Variants in PCDHGA1 observed in about 807,000 individuals in gnomAD.
PCDHGA1 encodes the protein protocadherin gamma-A1.
PCDHGA1 carries 32 observed loss-of-function variants against 58.0 expected under a neutral mutation model. The ratio of observed to expected loss-of-function variants is 0.55; its 90% CI spans 0.42 to 0.74. PCDHGA1 has a LOEUF of 0.74. PCDHGA1 is among the 30% of genes least tolerant of loss of function. PCDHGA1 has a pLI of 0.00. For synonymous variants in PCDHGA1, 498 were observed against 501.1 expected, an observed-to-expected ratio of 0.99 and a Z score of 0.08; for missense variants, 1,205 against 1,182.3, an observed-to-expected ratio of 1.02 and a Z score of -0.28.
chr5:141,417,141 C>T (rs1455831459), intron 1 of PCDHGA1: 1 of 152,018 alleles, frequency 6.6e-6, no homozygotes, highest in Non-Finnish European at 1.5e-5. Context: ...ATGACTAGGG[C>T]AATGGTTGCA....
intron 1 of PCDHGA1, chr5:141,408,368 C>T: frequency 3.1e-6 from 5 of 1,613,992 alleles, no homozygotes; most frequent in Non-Finnish European, 4.2e-6. Context: ...GGATCTAGGG[C>T]TCAGTGTCCT....
At chr5:141,441,862 G>A (rs2098280399) in intron 1 of PCDHGA1, 3 of 342,456 alleles carry the variant, frequency 8.8e-6, no homozygotes, top group Non-Finnish European at 1.1e-5. Context: ...GCTGCACGCC[G>A]CGGAGCCTGG....
rs776737236 is a variant in PCDHGA1, at chr5:141,431,439, G to T, written c.2422-63368G>T. 20 of 1,613,724 alleles carry T rather than the reference G, an allele frequency of 1.2e-5. No individual in the cohort carries two copies. The highest frequency in any genetic ancestry group is 4.5e-5 in the East Asian group (2 of 44,888). Reference sequence around the variant, plus strand: ...GACCCGGTGCGCACAGGCACCGCGCGCATCCGCGTGATGGTTCTGGATGCG... The same window carrying T: ...GACCCGGTGCGCACAGGCACCGCGCTCATCCGCGTGATGGTTCTGGATGCG... On this transcript the variant is annotated intron_variant, in intron 1 of 3. Coordinates refer to ENST00000517417, the MANE Select transcript of PCDHGA1 (RefSeq NM_018912.3). This position sits in a 1 kb window ranked among gnomAD's most constrained non-coding sequence, Gnocchi z 4.8.
Position 141,332,694 on chromosome 5 carries a change from C to T in PCDHGA1, c.2010C>T (p.Asp670=), listed in dbSNP as rs1420389841. ...LTVAVADRIS[D]ILADLGSLEP... ...TGGCCGTGGCCGACAGGATCTCCGACATCCTGGCCGACCTGGGCAGCCTCG... is the reference window on the plus strand; with the variant it reads ...TGGCCGTGGCCGACAGGATCTCCGATATCCTGGCCGACCTGGGCAGCCTCG... Residue 670 remains aspartate (D), a synonymous_variant, in exon 1 of 4, where the codon GAC becomes GAT. Coordinates refer to ENST00000517417, the MANE Select transcript of PCDHGA1 (RefSeq NM_018912.3). This position sits in a 1 kb window ranked among gnomAD's most constrained non-coding sequence, Gnocchi z 4.6. 5.0e-6 allele frequency: 8 copies of T among 1,613,896 alleles called. No individual in the cohort carries two copies. The highest frequency in any genetic ancestry group is 2.2e-5 in the East Asian group (1 of 44,886).
chr5:141,413,387 T>G (rs902208287), intron 1 of PCDHGA1: 1 of 1,613,908 alleles, frequency 6.2e-7, no homozygotes, highest in Non-Finnish European at 8.5e-7. Context: ...GTCCGCATAG[T>G]CTCCAGAGGT....
At position 141,490,409 on chromosome 5, in the gene PCDHGA1, C is replaced by G; in HGVS notation, c.2422-4398C>G. On this transcript the variant is annotated intron_variant, in intron 1 of 3. Transcript: ENST00000517417. The surrounding 1 kb of genome is among the most constrained non-coding windows in gnomAD (Gnocchi z 5.4). ...AATGGTGAAGTGAGCCTTGATATCT[C>G]TCCGGACCTGCCATTTCAGATTAAG... 1 of 1,614,202 alleles carries G rather than the reference C, an allele frequency of 6.2e-7. No homozygotes were observed. Among genetic ancestry groups the G allele is most frequent in the Non-Finnish European group, 8.5e-7 (1 of 1,180,038 alleles).
intron 1 of PCDHGA1, chr5:141,390,223 G>A (rs137959577): frequency 3.7e-6 from 6 of 1,614,020 alleles, no homozygotes; most frequent in East Asian, 2.2e-5. Context: ...ATACTTTGCG[G>A]TGATTCATCT....
intron 1 of PCDHGA1, chr5:141,371,361 GAT>G: frequency 3.1e-6 from 5 of 1,613,976 alleles, no homozygotes; most frequent in Non-Finnish European, 4.2e-6. Flanking sequence ...GGAAGCAAAG[GAT>G]GGTGGACATC....
chr5:141,372,334 G>A (rs757971401), intron 1 of PCDHGA1: 3 of 1,613,766 alleles, frequency 1.9e-6, no homozygotes, highest in Admixed American at 1.7e-5. Context: ...GTCACTGTGC[G>A]TGATGGAGGA....
intron 2 of PCDHGA1, among the ~76,000 whole-genome samples, chr5:141,496,411 CT>C (rs1266082660): frequency 6.6e-6 from 1 of 152,190 alleles, no homozygotes; most frequent in African/African-American, 2.4e-5. Context: ...TGGTTGAGTA[CT>C]TGCTGTCCAC....
chr5:141,397,805 A>G (rs1015155491), intron 1 of PCDHGA1, among the ~76,000 whole-genome samples: 1 of 152,236 alleles, frequency 6.6e-6, no homozygotes, highest in African/African-American at 2.4e-5. Flanking sequence ...TAAGTTAGGC[A>G]CACAAAAACA....
intron 1 of PCDHGA1, among the ~76,000 whole-genome samples, chr5:141,479,053 A>G (rs534968614): frequency 9.2e-5 from 14 of 152,334 alleles, no homozygotes; most frequent in African/African-American, 3.1e-4. Context: ...TCATTCTCAG[A>G]TAATTTTTTA....
At chr5:141,405,473 G>A in intron 1 of PCDHGA1, 3 of 1,066,958 alleles carry the variant, frequency 2.8e-6, no homozygotes, top group Non-Finnish European at 4.0e-6. Flanking sequence ...AGGCTGGAAT[G>A]CAGTGGTGTG....
At chr5:141,449,280 C>G (rs934214922) in intron 1 of PCDHGA1, among the ~76,000 whole-genome samples, 1 of 151,944 alleles carries the variant, frequency 6.6e-6, no homozygotes, top group East Asian at 1.9e-4. Context: ...CTCCTTCACC[C>G]GGATGCACCG....
chr5:141,419,746 G>A (rs1561783927), intron 1 of PCDHGA1: 2 of 1,613,896 alleles, frequency 1.2e-6, no homozygotes, highest in Admixed American at 1.7e-5. Context: ...TGCGCATGGT[G>A]CGTGCTTTGG....
chr5:141,365,954 C>T lies in PCDHGA1; in HGVS notation c.2421+32849C>T, dbSNP rs553082212. 5.6e-6 allele frequency: 9 copies of T among 1,614,236 alleles called. No homozygotes were observed. The East Asian group carries it at 1.3e-4, about 24-fold the overall frequency. ...AGCCAGCGACAGTGGGAACCCTCCA[C>T]TTAGCAGCAACGTGTCGCTGAGCCT... On this transcript the variant is annotated intron_variant, in intron 1 of 3. Coordinates refer to ENST00000517417, the MANE Select transcript of PCDHGA1 (RefSeq NM_018912.3).
chr5:141,438,152 G>A (rs184819165), intron 1 of PCDHGA1, among the ~76,000 whole-genome samples: 1 of 152,250 alleles, frequency 6.6e-6, no homozygotes, highest in African/African-American at 2.4e-5. Flanking sequence ...CCAGCCTATG[G>A]CAAAGCTAAT....
Position 141,398,041 on chromosome 5 carries a change from G to T in PCDHGA1, c.2421+64936G>T, listed in dbSNP as rs114009258. On this transcript the variant is annotated intron_variant, in intron 1 of 3. Coordinates refer to ENST00000517417, the MANE Select transcript of PCDHGA1 (RefSeq NM_018912.3). ...TAAACTGGAACTGGAACTAAAGCCC[G>T]TTCGGAGATCCAAAAATCTACAATA... 1,416 of 1,492,890 alleles carry T rather than the reference G, an allele frequency of 9.5e-4. 9 individuals are homozygous for T. The African/African-American group carries it at 0.016, about 16-fold the overall frequency. 92.5% of individuals were successfully genotyped at this position (1,492,890 alleles called of 1,614,324 possible).
At chr5:141,421,781 G>A (rs1482347889) in intron 1 of PCDHGA1, 1 of 1,613,856 alleles carries the variant, frequency 6.2e-7, no homozygotes, top group Non-Finnish European at 8.5e-7. Context: ...CAACTGCGGG[G>A]CAGAACGGAT....
Sources: allele counts gnomAD v4.1 joint callset (sites outside exome capture counted in the v4.1 genomes callset), GRCh38; gene constraint gnomAD v4.1.1; non-coding constraint Gnocchi (gnomAD v3.1); transcripts MANE v1.5; gene names NCBI Gene and HGNC (gene_info 2026-07-23, HGNC 2026-07-21).